The following FRMD4A variants were observed in gnomAD, a reference collection of about 807,000 sequenced individuals.
The protein encoded by FRMD4A is FERM domain-containing protein 4A.
A neutral mutation model predicts 129.1 loss-of-function variants in FRMD4A; 29 were observed. The observed-to-expected ratio is 0.22, with a 90% CI of 0.17 to 0.31. The LOEUF is 0.31. Ranked by LOEUF, FRMD4A falls within the 10% of genes least tolerant of loss-of-function variation. The pLI, the probability that FRMD4A is intolerant of heterozygous loss-of-function variation, is 1.00. For synonymous variants in FRMD4A, 634 were observed against 571.6 expected (o/e 1.11, Z -1.56); for missense variants, 1,272 against 1,375.8 (o/e 0.92, Z 1.19).
chr10:14,131,655 G>T (rs1320553184), intron 2 of FRMD4A, among the ~76,000 whole-genome samples: 1 of 152,008 alleles, frequency 6.6e-6, no homozygotes, highest in Non-Finnish European at 1.5e-5. Context: ...GAGATATTTG[G>T]GCATAGACAA....
Position 13,784,234 on chromosome 10 carries a change from G to T in FRMD4A, c.300-1228C>A, listed in dbSNP as rs76015189. Among the ~76,000 whole-genome samples, 165 of 152,282 alleles carry T rather than the reference G, an allele frequency of 1.1e-3. 2 individuals carry two copies. The East Asian group carries it at 0.03, about 28-fold the overall frequency. ...TCTGAGGGCCAGAATCCTCTGGAGG[G>T]AGTCAGAGAGCAGTGATGGAGTCCC... is the stretch of plus-strand genomic sequence containing the variant. On this transcript the variant is annotated intron_variant, in intron 5 of 24. Coordinates refer to ENST00000357447, the MANE Select transcript of FRMD4A (RefSeq NM_018027.5).
chr10:13,867,727 AT>A (rs1187999186), intron 2 of FRMD4A, among the ~76,000 whole-genome samples: 1 of 114,320 alleles, frequency 8.7e-6, no homozygotes, highest in Non-Finnish European at 1.6e-5. Flanking sequence ...AATATAATAT[AT>A]AATAAATAAC....
chr10:13,746,585 T>C (rs537053990), intron 9 of FRMD4A, among the ~76,000 whole-genome samples: 2 of 152,282 alleles, frequency 1.3e-5, no homozygotes, highest in East Asian at 1.9e-4. Context: ...TCTGGATAAG[T>C]GTCCAGACAA....
intron 2 of FRMD4A, among the ~76,000 whole-genome samples, chr10:14,047,740 C>T (rs1396575680): frequency 6.6e-6 from 1 of 152,156 alleles, no homozygotes; most frequent in East Asian, 1.9e-4. Flanking sequence ...ACTTCCAAGT[C>T]CAGGAAGTAT....
intron 2 of FRMD4A, among the ~76,000 whole-genome samples, chr10:14,027,099 C>T (rs1833018837): frequency 6.6e-6 from 1 of 152,164 alleles, no homozygotes; most frequent in Non-Finnish European, 1.5e-5. Context: ...CTTCGAAAAC[C>T]AAGTCCTCTT....
intron 5 of FRMD4A, among the ~76,000 whole-genome samples, chr10:13,792,078 G>T (rs1442005139): frequency 6.6e-6 from 1 of 152,100 alleles, no homozygotes; most frequent in Non-Finnish European, 1.5e-5. Flanking sequence ...CAGAGTGGCA[G>T]CCTGCCAAGA....
At chr10:13,796,382 T>G (rs2093119874) in intron 5 of FRMD4A, 114 bp downstream of exon 5, 1 of 697,290 alleles carries the variant, frequency 1.4e-6, no homozygotes. Context: ...CCTTTATCCC[T>G]GGCAATGAAC....
rs942731565 is a variant in FRMD4A, at chr10:13,645,433, T to G, written c.*1605A>C. ...CTGCGGAAACCTTTTTGTGCCATCT[T>G]GAATAACCCAACTAAAGTCGTGCAC... On this transcript the variant is annotated 3_prime_UTR_variant, in exon 25 of 25. Coordinates refer to ENST00000357447, the MANE Select transcript of FRMD4A (RefSeq NM_018027.5). 6.6e-6 allele frequency: 1 copy of G among 152,368 alleles called. No homozygotes were observed. Among genetic ancestry groups the G allele is most frequent in the South Asian group, 2.1e-4 (1 of 4,810 alleles). The allele number at this position is 152,368 out of a possible 1,614,324, so 9.4% of individuals were successfully genotyped here. A position where few individuals can be genotyped will look rare whatever the true frequency, so the allele number is the denominator to read the frequency against.
At chr10:13,678,675 A>G (rs1287107872) in intron 15 of FRMD4A, among the ~76,000 whole-genome samples, 6 of 152,250 alleles carry the variant, frequency 3.9e-5, no homozygotes, top group African/African-American at 1.4e-4. Flanking sequence ...CTGTTGCTCA[A>G]TGAAGTATCG....
intron 2 of FRMD4A, among the ~76,000 whole-genome samples, chr10:14,171,353 A>T (rs1478927198): frequency 6.6e-6 from 1 of 152,176 alleles, no homozygotes; most frequent in Non-Finnish European, 1.5e-5. Flanking sequence ...TTTAGATTGC[A>T]TTATATATAA....
intron 2 of FRMD4A, among the ~76,000 whole-genome samples, chr10:14,017,846 A>T (rs73591215): frequency 0.021 from 3,182 of 152,324 alleles, 112 homozygotes; most frequent in African/African-American, 0.073. Flanking sequence ...TTAGAAAGAC[A>T]GTCTCTTTGA....
intron 2 of FRMD4A, among the ~76,000 whole-genome samples, chr10:13,962,663 A>G (rs1320224094): frequency 6.6e-6 from 1 of 152,254 alleles, no homozygotes; most frequent in Admixed American, 6.5e-5. Context: ...TGGGATTACT[A>G]TTCCTGAGCT....
At chr10:13,663,414 T>C in intron 19 of FRMD4A, 39 bp downstream of exon 19, 1 of 1,084,644 alleles carries the variant, frequency 9.2e-7, no homozygotes, top group Non-Finnish European at 1.4e-6. Flanking sequence ...CTGTTTACTC[T>C]GAGCTGTAGG....
intron 2 of FRMD4A, among the ~76,000 whole-genome samples, chr10:14,020,394 C>T (rs7909093): frequency 0.021 from 3,155 of 152,250 alleles, 112 homozygotes; most frequent in African/African-American, 0.073. Flanking sequence ...AACAGCTGTT[C>T]TTGAGATAGT....
At chr10:14,170,594 C>T (rs1192300504) in intron 2 of FRMD4A, among the ~76,000 whole-genome samples, 1 of 152,170 alleles carries the variant, frequency 6.6e-6, no homozygotes, top group Admixed American at 6.5e-5. Context: ...TAAAGGAAAC[C>T]ATATTGGAGT....
At chr10:13,983,534 G>C (rs2095569746) in intron 2 of FRMD4A, among the ~76,000 whole-genome samples, 1 of 152,058 alleles carries the variant, frequency 6.6e-6, no homozygotes, top group Non-Finnish European at 1.5e-5. Context: ...TTTCTGGGTA[G>C]TATAATTTGA....
At chr10:14,126,638 G>A (rs1025939273) in intron 2 of FRMD4A, among the ~76,000 whole-genome samples, 1 of 152,162 alleles carries the variant, frequency 6.6e-6, no homozygotes, top group African/African-American at 2.4e-5. Context: ...CTTCCCTTTA[G>A]TTAGCTTGGG....
At chr10:13,993,233 C>A (rs1470139169) in intron 2 of FRMD4A, among the ~76,000 whole-genome samples, 1 of 152,180 alleles carries the variant, frequency 6.6e-6, no homozygotes, top group Non-Finnish European at 1.5e-5. Context: ...CCTCCTCCCC[C>A]AGCAGGGACA....
chr10:14,037,088 T>C (rs1833536400), intron 2 of FRMD4A, among the ~76,000 whole-genome samples: 1 of 152,238 alleles, frequency 6.6e-6, no homozygotes. Context: ...TACATGCTTC[T>C]TGAGATATTC....
Sources: gnomAD v4.1 joint callset for allele counts (sites outside exome capture counted in the v4.1 genomes callset) on GRCh38, gnomAD v4.1.1 for gene constraint, MANE v1.5 for transcripts, NCBI Gene and HGNC (gene_info 2026-07-23, HGNC 2026-07-21) for gene names.